ATXN1: variants seen among roughly 807,000 people sequenced by gnomAD.
ATXN1 encodes ataxin-1.
ATXN1 carries 8 observed loss-of-function variants against 56.4 expected under a neutral mutation model. The observed-to-expected ratio is 0.14, with a 90% confidence interval of 0.08 to 0.26. The LOEUF is 0.26. Among genes scored for constraint, ATXN1 ranks in the 10% least tolerant of loss-of-function variants. ATXN1 has a pLI of 1.00. For missense variants in ATXN1, 987 were observed against 1,106.5 expected (o/e 0.89, Z 1.53); for synonymous variants, 514 against 494.6 (o/e 1.04, Z -0.52).
intron 4 of ATXN1, among the ~76,000 whole-genome samples, chr6:16,546,000 A>C (rs1430471224): frequency 1.3e-5 from 2 of 152,222 alleles, no homozygotes; most frequent in African/African-American, 4.8e-5. Flanking sequence ...GTCTCTAATA[A>C]TATGTACATT....
At position 16,338,365 on chromosome 6, in the gene ATXN1, C is replaced by T. The variant is rs530374105; in HGVS notation, c.-160-9895G>A. Among the ~76,000 whole-genome samples, 29 of 152,200 alleles carry T rather than the reference C, an allele frequency of 1.9e-4. 1 individual carries two copies. In the East Asian group the frequency reaches 1.9e-3, roughly 10 times the overall value. ...AAAATGAGCCAGGCGTGGTGGCAGG[C>T]GCCTGTAGTCCCAGCTACGAGGGAG... is the stretch of plus-strand genomic sequence containing the variant. On this transcript the variant is annotated intron_variant, in intron 6 of 7. Coordinates refer to ENST00000436367, the MANE Select transcript of ATXN1 (RefSeq NM_001128164.2).
In ATXN1 at chr6:16,761,301, A is replaced by C. The variant is rs1581434497; in HGVS notation, c.-733T>G. ...GGAAAAAAAAATAGTCACTTACTGTAAAGTGTAAATGGATCTGGGGTTGCG... is the reference window on the plus strand; with the variant it reads ...GGAAAAAAAAATAGTCACTTACTGTCAAGTGTAAATGGATCTGGGGTTGCG... On this transcript the variant is annotated 5_prime_UTR_variant, in exon 1 of 8. Transcript: ENST00000436367. The C allele has an allele frequency of 2.2e-6, 1 of 454,686 alleles. No homozygotes were observed. 28.2% of individuals were successfully genotyped at this position (454,686 alleles called of 1,614,324 possible).
At chr6:16,683,738 G>A (rs1017247042) in intron 2 of ATXN1, among the ~76,000 whole-genome samples, 2 of 152,220 alleles carry the variant, frequency 1.3e-5, no homozygotes, top group African/African-American at 4.8e-5. Context: ...TAGTGCCGGA[G>A]GGTTAACCAG....
At chr6:16,602,455 CTT>C (rs779197941) in intron 3 of ATXN1, among the ~76,000 whole-genome samples, 31 of 139,672 alleles carry the variant, frequency 2.2e-4, no homozygotes, top group Admixed American at 2.2e-4. Flanking sequence ...AGCCAAAATT[CTT>C]TTTTTTTTTT....
At chr6:16,451,871 G>T (rs759203814) in intron 6 of ATXN1, among the ~76,000 whole-genome samples, 1 of 152,100 alleles carries the variant, frequency 6.6e-6, no homozygotes, top group Non-Finnish European at 1.5e-5. Context: ...AAAACAAGTT[G>T]TTTAAAAGGT....
At chr6:16,382,136 G>T (rs1349467622) in intron 6 of ATXN1, among the ~76,000 whole-genome samples, 1 of 152,098 alleles carries the variant, frequency 6.6e-6, no homozygotes, top group Non-Finnish European at 1.5e-5. Flanking sequence ...TTGAGGCCAG[G>T]AGTTTAAGAC....
chr6:16,358,690 A>G (rs922264823), intron 6 of ATXN1, among the ~76,000 whole-genome samples: 1 of 152,138 alleles, frequency 6.6e-6, no homozygotes, highest in African/African-American at 2.4e-5. Flanking sequence ...CACTGCAGCC[A>G]CCTGAACTGC....
At position 16,413,230 on chromosome 6, in the gene ATXN1, G is replaced by A. The variant is rs1230655461; in HGVS notation, c.-161+72742C>T. On this transcript the variant is annotated intron_variant, in intron 6 of 7. Coordinates refer to ENST00000436367, the MANE Select transcript of ATXN1 (RefSeq NM_001128164.2). ...AACTGAAACTCAAAAGAACTTCCTC[G>A]AAATGATACAGTTAGCACATTATGG... Among the ~76,000 whole-genome samples the A allele has an allele frequency of 2.6e-5, 4 of 152,124 alleles. No individual in the cohort carries two copies. In the East Asian group the frequency reaches 5.8e-4, roughly 22 times the overall value.
intron 6 of ATXN1, among the ~76,000 whole-genome samples, chr6:16,392,425 T>A (rs961958559): frequency 6.6e-5 from 10 of 152,178 alleles, no homozygotes; most frequent in African/African-American, 2.2e-4. Flanking sequence ...CCTGTTAGGA[T>A]CCTGGATGCT....
rs1344980073 is a variant in ATXN1, at chr6:16,761,437, C to T, written c.-869G>A. On this transcript the variant is annotated 5_prime_UTR_variant, in exon 1 of 8. Coordinates refer to ENST00000436367, the MANE Select transcript of ATXN1 (RefSeq NM_001128164.2). ...CCCCTGCAGTGAAACAGGTCCTGTA[C>T]GGCTCCGCCACTGTAGTAGAAATGA... is the stretch of plus-strand genomic sequence containing the variant. 6.6e-6 allele frequency: 3 copies of T among 456,688 alleles called. No individual in the cohort carries two copies. Among genetic ancestry groups the T allele is most frequent in the African/African-American group, 4.0e-5 (2 of 49,962 alleles). 28.3% of individuals were successfully genotyped at this position (456,688 alleles called of 1,614,324 possible). A position where few individuals can be genotyped will look rare whatever the true frequency, so the allele number is the denominator to read the frequency against.
intron 6 of ATXN1, among the ~76,000 whole-genome samples, chr6:16,381,634 T>C (rs1420657960): frequency 6.6e-6 from 1 of 152,236 alleles, no homozygotes; most frequent in Non-Finnish European, 1.5e-5. Flanking sequence ...ATCAACAACA[T>C]TCACTTCCTC....
chr6:16,350,934 T>A (rs182048869), intron 6 of ATXN1, among the ~76,000 whole-genome samples: 5 of 151,940 alleles, frequency 3.3e-5, no homozygotes, highest in Admixed American at 1.3e-4. Flanking sequence ...AATAAAAAAA[T>A]TTAGGCAGGT....
chr6:16,725,548 G>A (rs1336766770), intron 2 of ATXN1, among the ~76,000 whole-genome samples: 10 of 152,148 alleles, frequency 6.6e-5, no homozygotes, highest in Admixed American at 5.9e-4. Flanking sequence ...ATCAGAAACC[G>A]AATTTAGAAA....
chr6:16,651,152 T>C (rs1763885626), intron 3 of ATXN1, among the ~76,000 whole-genome samples: 1 of 152,172 alleles, frequency 6.6e-6, no homozygotes, highest in East Asian at 1.9e-4. Context: ...AAGGGGCTTC[T>C]TGGAAGCCAC....
chr6:16,630,584 C>A (rs775688966), intron 3 of ATXN1, among the ~76,000 whole-genome samples: 4 of 152,196 alleles, frequency 2.6e-5, no homozygotes, highest in African/African-American at 7.2e-5. Context: ...ATCTGCTCAA[C>A]TGTGAATCGG....
At chr6:16,379,130 G>C (rs1561873406) in intron 6 of ATXN1, among the ~76,000 whole-genome samples, 1 of 152,210 alleles carries the variant, frequency 6.6e-6, no homozygotes, top group Admixed American at 6.5e-5. Flanking sequence ...TGAGATTGGA[G>C]ACTATTATTC....
intron 2 of ATXN1, among the ~76,000 whole-genome samples, chr6:16,701,938 C>T (rs1759294283): frequency 6.6e-6 from 1 of 152,066 alleles, no homozygotes; most frequent in Admixed American, 6.5e-5. Context: ...CAATGCCATC[C>T]CCATCAAGCT....
chr6:16,350,155 A>C (rs971673650), intron 6 of ATXN1, among the ~76,000 whole-genome samples: 34 of 152,262 alleles, frequency 2.2e-4, no homozygotes, highest in Admixed American at 2.2e-3. Flanking sequence ...ATGCAAAAAA[A>C]GTAAGGCAGT....
chr6:16,661,790 C>T (rs1758325465), intron 2 of ATXN1, among the ~76,000 whole-genome samples: 1 of 152,156 alleles, frequency 6.6e-6, no homozygotes, highest in South Asian at 2.1e-4. Flanking sequence ...ATCACTGAGG[C>T]CTGCTAGCAT....
Sources: gnomAD v4.1 joint callset for allele counts (sites outside exome capture counted in the v4.1 genomes callset) on GRCh38, gnomAD v4.1.1 for gene constraint, MANE v1.5 for transcripts, NCBI Gene and HGNC (gene_info 2026-07-23, HGNC 2026-07-21) for gene names.